KIF16B: variants seen among roughly 807,000 people sequenced by gnomAD.
KIF16B encodes kinesin-like protein KIF16B.
Under a neutral mutation model 156.3 loss-of-function variants are expected in KIF16B, and 98 were observed. The observed-to-expected ratio is 0.63, with a 90% CI of 0.53 to 0.74. The LOEUF is 0.74. KIF16B is among the 30% of genes least tolerant of loss of function. KIF16B has a pLI of 0.00. For missense variants in KIF16B, 1,421 were observed against 1,606.5 expected, an observed-to-expected ratio of 0.88 and a Z score of 1.97; for synonymous variants, 564 against 583.7, an observed-to-expected ratio of 0.97 and a Z score of 0.49.
chr20:16,559,311 CA>C (rs1219848438), intron 1 of KIF16B, among the ~76,000 whole-genome samples: 1 of 152,126 alleles, frequency 6.6e-6, no homozygotes, highest in Non-Finnish European at 1.5e-5. Flanking sequence ...CAAAGGATGC[CA>C]GGAGGCATAA....
intron 19 of KIF16B, among the ~76,000 whole-genome samples, chr20:16,376,001 A>G (rs894941503): frequency 3.9e-5 from 6 of 152,208 alleles, no homozygotes; most frequent in African/African-American, 1.4e-4. Context: ...TGTGACACTC[A>G]TCCCCAGTGG....
chr20:16,560,427 G>A (rs1238208200), intron 1 of KIF16B, among the ~76,000 whole-genome samples: 4 of 152,234 alleles, frequency 2.6e-5, no homozygotes, highest in Non-Finnish European at 1.5e-5. Flanking sequence ...GTGCAGTGAG[G>A]TGAGACCACA....
At chr20:16,552,673 G>A (rs1366247747) in intron 1 of KIF16B, among the ~76,000 whole-genome samples, 1 of 152,130 alleles carries the variant, frequency 6.6e-6, no homozygotes, top group African/African-American at 2.4e-5. Context: ...GTCTTGGGGG[G>A]CTCTGCAAGG....
At chr20:16,388,414 T>C (rs1451630564) in intron 17 of KIF16B, among the ~76,000 whole-genome samples, 5 of 152,224 alleles carry the variant, frequency 3.3e-5, no homozygotes, top group Non-Finnish European at 7.3e-5. Context: ...CAAGAATAAT[T>C]GTATTTGAAG....
intron 1 of KIF16B, among the ~76,000 whole-genome samples, chr20:16,547,677 G>A (rs1261639898): frequency 2.0e-5 from 3 of 152,096 alleles, no homozygotes; most frequent in East Asian, 1.9e-4. Flanking sequence ...TCTGAGGAGC[G>A]CTGCAACTCA....
chr20:16,400,934 A>G (rs910928581), intron 17 of KIF16B, among the ~76,000 whole-genome samples: 10 of 152,214 alleles, frequency 6.6e-5, no homozygotes, highest in African/African-American at 2.2e-4. Flanking sequence ...AATGCACTTC[A>G]CACTACTGAA....
At chr20:16,428,197 G>A (rs534107144) in intron 14 of KIF16B, among the ~76,000 whole-genome samples, 2 of 152,272 alleles carry the variant, frequency 1.3e-5, no homozygotes, top group African/African-American at 4.8e-5. Context: ...AAAAGTAACT[G>A]TGGTTTTTGC....
At chr20:16,521,576 A>G (rs754633650) in intron 3 of KIF16B, among the ~76,000 whole-genome samples, 73 of 152,266 alleles carry the variant, frequency 4.8e-4, no homozygotes, top group Middle Eastern at 6.8e-3. Context: ...GGAGAATGGA[A>G]CCAAGTTGGA....
rs968733535 is a variant in KIF16B at position 16,554,027 on chromosome 20, C to G, written c.47+19202G>C. 2.0e-5 allele frequency among the ~76,000 whole-genome samples: 3 copies of G among 152,216 alleles called. No homozygotes were observed. In the East Asian group the frequency reaches 5.8e-4, roughly 29 times the overall value. On this transcript the variant is annotated intron_variant, in intron 1 of 25. Coordinates refer to ENST00000354981, the MANE Select transcript of KIF16B (RefSeq NM_024704.5). ...GGGGCTGAGGGCAGCTCAGCGCCGG[C>G]CTGCAGGCACCCCTTGGCATGAACA... is the stretch of plus-strand genomic sequence containing the variant.
intron 24 of KIF16B, among the ~76,000 whole-genome samples, 163 bp from the exon 25 acceptor site, chr20:16,312,581 T>C (rs1374030370): frequency 2.0e-5 from 3 of 152,178 alleles, no homozygotes; most frequent in African/African-American, 7.2e-5. Flanking sequence ...TGTGTGACCT[T>C]CAACAGATAA....
Position 16,404,798 on chromosome 20 carries a change from C to A in KIF16B, c.1784+15G>T. ...AGTGATCATCACAGGGAAGGAGATG[C>A]TGCTGTTCACTCACCCGGGGTTATA... On this transcript the variant is annotated intron_variant, in intron 17 of 25. Coordinates refer to ENST00000354981, the MANE Select transcript of KIF16B (RefSeq NM_024704.5). The A allele has an allele frequency of 6.3e-7, 1 of 1,577,530 alleles. No homozygotes were observed. Among genetic ancestry groups the A allele is most frequent in the Admixed American group, 1.7e-5 (1 of 59,890 alleles).
intron 23 of KIF16B, among the ~76,000 whole-genome samples, chr20:16,344,219 T>TA (rs1240336624): frequency 5.9e-5 from 9 of 152,198 alleles, no homozygotes; most frequent in Non-Finnish European, 1.3e-4. Flanking sequence ...TAGATTTAAT[T>TA]AAAATCTCTT....
At chr20:16,548,320 C>T (rs777638555) in intron 1 of KIF16B, among the ~76,000 whole-genome samples, 13 of 152,082 alleles carry the variant, frequency 8.5e-5, no homozygotes, top group African/African-American at 1.2e-4. Context: ...CACAGACACA[C>T]GTCACCATTC....
intron 1 of KIF16B, among the ~76,000 whole-genome samples, chr20:16,556,542 A>G (rs1185960085): frequency 6.6e-6 from 1 of 152,200 alleles, no homozygotes; most frequent in African/African-American, 2.4e-5. Flanking sequence ...CATTAGCAGC[A>G]CAAGTGACCT....
chr20:16,566,063 T>C (rs1285686177), intron 1 of KIF16B, among the ~76,000 whole-genome samples: 3 of 152,280 alleles, frequency 2.0e-5, no homozygotes, highest in African/African-American at 4.8e-5. Flanking sequence ...ATTTGCGATT[T>C]GATTTCTTCG....
chr20:16,379,009 T>A lies in KIF16B; in HGVS notation c.2993A>T (p.Glu998Val). The change falls in exon 19 of 26, where the codon GAG becomes GTG. Residue 998 changes from glutamate to valine, a missense_variant. By Grantham distance (121) the Glu-to-Val change is moderately radical. Coordinates refer to ENST00000354981, the MANE Select transcript of KIF16B (RefSeq NM_024704.5). ...CTCCAGCGCCTCTCTCTGCTGCTTC[T>A]CTCTGGACTCCAAAATCTCCTTTTC... is the stretch of plus-strand genomic sequence containing the variant. ...KKEKEILESREKQQREALERA... is the reference protein window; with the variant it reads ...KKEKEILESRVKQQREALERA... 1 of 1,612,876 alleles carries A rather than the reference T, an allele frequency of 6.2e-7. No homozygotes were observed. Among genetic ancestry groups the A allele is most frequent in the Non-Finnish European group, 8.5e-7 (1 of 1,179,518 alleles).
At chr20:16,299,931 ATAC>A (rs1177893832) in intron 25 of KIF16B, among the ~76,000 whole-genome samples, 3 of 152,204 alleles carry the variant, frequency 2.0e-5, no homozygotes, top group African/African-American at 7.2e-5. Context: ...ATCGCAAATA[ATAC>A]TACAAGATAG....
intron 11 of KIF16B, among the ~76,000 whole-genome samples, chr20:16,497,294 T>C (rs2068478381): frequency 6.6e-6 from 1 of 152,214 alleles, no homozygotes; most frequent in Non-Finnish European, 1.5e-5. Flanking sequence ...GTTTCATGAA[T>C]GTTGAACACA....
intron 3 of KIF16B, among the ~76,000 whole-genome samples, chr20:16,518,202 A>G (rs963009539): frequency 4.6e-5 from 7 of 152,202 alleles, no homozygotes; most frequent in Non-Finnish European, 1.0e-4. Flanking sequence ...GACCTGGAAA[A>G]GCAGCCGGCA....
Sources: allele counts gnomAD v4.1 joint callset (sites outside exome capture counted in the v4.1 genomes callset), GRCh38; gene constraint gnomAD v4.1.1; transcripts MANE v1.5; gene names NCBI Gene and HGNC (gene_info 2026-07-23, HGNC 2026-07-21).